Variants in KIAA1217 observed in about 807,000 individuals in gnomAD.
KIAA1217 encodes KIAA1217.
KIAA1217 carries 88 observed loss-of-function variants against 163.9 expected under a neutral mutation model. The observed-to-expected ratio is 0.54, with a 90% CI of 0.45 to 0.64. The LOEUF (loss-of-function observed/expected upper bound fraction) is 0.64, where lower values mean the gene tolerates loss of function less well. Among genes scored for constraint, KIAA1217 ranks in the 30% least tolerant of loss-of-function variants. The pLI, the probability that KIAA1217 is intolerant of heterozygous loss-of-function variation, is 0.00. For missense variants in KIAA1217, 2,372 were observed against 2,475.0 expected, an observed-to-expected ratio of 0.96 and a Z score of 0.88; for synonymous variants, 903 against 923.1, an observed-to-expected ratio of 0.98 and a Z score of 0.39.
In KIAA1217 at chr10:24,544,135, G is replaced by T. The variant is rs776533939; in HGVS notation, c.4865G>T (p.Arg1622Leu). ...CTGAAACAGCACAAAGAAGCCAAGC[G>T]CTTCGAAATCGCTAGGTCTCAACCT... is the stretch of plus-strand genomic sequence containing the variant. ...GTLKQHKEAK[R>L]FEIARSQPED... Residue 1622 changes from arginine to leucine, a missense_variant, in exon 19 of 21, where the codon CGC (arginine) becomes CTC (leucine). Around this residue, in one of 3 missense-constraint regions of KIAA1217, gnomAD observed 690 missense variants for 677.5 expected, o/e 1.02. Transcript: ENST00000376454. 12 of 1,613,996 alleles carry T rather than the reference G, an allele frequency of 7.4e-6. No homozygotes were observed. The highest frequency in any genetic ancestry group is 1.6e-4 in the Middle Eastern group (1 of 6,084).
chr10:24,081,364 G>A (rs1007326061), intron 2 of KIAA1217, among the ~76,000 whole-genome samples: 1 of 152,168 alleles, frequency 6.6e-6, no homozygotes, highest in African/African-American at 2.4e-5. Context: ...GGCTACCAAG[G>A]CAGAGTTTCT....
rs372183043 is a variant in KIAA1217 at position 24,004,083 on chromosome 10, G to T, written c.-320-3142G>T. 1.2e-4 allele frequency among the ~76,000 whole-genome samples: 18 copies of T among 152,162 alleles called. No homozygotes were observed. The East Asian group carries it at 2.7e-3, about 23-fold the overall frequency. On this transcript the variant is annotated intron_variant, in intron 1 of 18. Transcript: ENST00000376462. ...CAAACTCGGCTTCCCGGTTCCAAGCGATTCTCCTGCCTCAGCCTCCTGAGT... is the reference window on the plus strand; with the variant it reads ...CAAACTCGGCTTCCCGGTTCCAAGCTATTCTCCTGCCTCAGCCTCCTGAGT...
intron 1 of KIAA1217, among the ~76,000 whole-genome samples, chr10:23,901,090 T>TC (rs1310239400): frequency 2.0e-5 from 3 of 152,246 alleles, no homozygotes; most frequent in Non-Finnish European, 1.5e-5. Flanking sequence ...CACTAACACT[T>TC]CTGAATGCTT....
intron 1 of KIAA1217, among the ~76,000 whole-genome samples, chr10:23,899,883 A>G (rs1841881691): frequency 6.6e-6 from 1 of 151,922 alleles, no homozygotes; most frequent in Non-Finnish European, 1.5e-5. Flanking sequence ...GATTTAGTCC[A>G]GTCTTCTTTG....
At chr10:24,431,149 T>C (rs902993966) in intron 3 of KIAA1217, among the ~76,000 whole-genome samples, 1 of 152,182 alleles carries the variant, frequency 6.6e-6, no homozygotes, top group Non-Finnish European at 1.5e-5. Flanking sequence ...TTGTATCCCT[T>C]ATTGTCACTT....
At chr10:24,406,392 A>AC (rs2057218308) in intron 3 of KIAA1217, among the ~76,000 whole-genome samples, 1 of 133,808 alleles carries the variant, frequency 7.5e-6, no homozygotes, top group Non-Finnish European at 1.5e-5. Context: ...TTCACACACA[A>AC]ACACACACAC....
intron 1 of KIAA1217, among the ~76,000 whole-genome samples, chr10:23,950,367 A>G (rs1289557948): frequency 6.6e-6 from 1 of 151,658 alleles, no homozygotes; most frequent in Non-Finnish European, 1.5e-5. Context: ...CTATGTTTTC[A>G]TGGTGTTAGC....
chr10:23,752,763 GC>G (rs1839807919), intron 1 of KIAA1217, among the ~76,000 whole-genome samples: 2 of 151,984 alleles, frequency 1.3e-5, no homozygotes, highest in South Asian at 4.1e-4. Flanking sequence ...TAAATCCTAG[GC>G]ATTATGTTTT....
chr10:24,497,928 T>C (rs1187753195), intron 8 of KIAA1217, among the ~76,000 whole-genome samples: 2 of 152,128 alleles, frequency 1.3e-5, no homozygotes, highest in African/African-American at 4.8e-5. Flanking sequence ...ACTTCTCCAC[T>C]ATACAATTCA....
At chr10:23,810,948 T>A (rs570285502) in intron 1 of KIAA1217, among the ~76,000 whole-genome samples, 252 of 118,336 alleles carry the variant, frequency 2.1e-3, no homozygotes, top group African/African-American at 7.5e-3. Flanking sequence ...ATAGTATATA[T>A]TATATAATAT....
intron 5 of KIAA1217, among the ~76,000 whole-genome samples, chr10:24,467,940 T>A (rs888668439): frequency 6.6e-6 from 1 of 152,164 alleles, no homozygotes; most frequent in Non-Finnish European, 1.5e-5. Flanking sequence ...TAATGCCATG[T>A]CTTTACTCAT....
intron 2 of KIAA1217, among the ~76,000 whole-genome samples, chr10:24,041,458 C>T (rs182133622): frequency 1.9e-4 from 29 of 152,212 alleles, no homozygotes; most frequent in African/African-American, 6.3e-4. Flanking sequence ...GAATAAACTC[C>T]GAACTCTTTA....
chr10:23,937,679 G>A (rs1388840895), intron 1 of KIAA1217, among the ~76,000 whole-genome samples: 1 of 152,086 alleles, frequency 6.6e-6, no homozygotes, highest in Non-Finnish European at 1.5e-5. Flanking sequence ...AACTTAATTT[G>A]GCATCATCAT....
At chr10:23,962,079 G>A (rs1440773687) in intron 1 of KIAA1217, among the ~76,000 whole-genome samples, 2 of 152,194 alleles carry the variant, frequency 1.3e-5, no homozygotes, top group East Asian at 1.9e-4. Context: ...AATGTTGGGG[G>A]CACTCAATTT....
chr10:23,797,661 G>A (rs1186661216), intron 1 of KIAA1217, among the ~76,000 whole-genome samples: 3 of 152,082 alleles, frequency 2.0e-5, no homozygotes, highest in Admixed American at 2.0e-4. Context: ...AGCAAAAGGG[G>A]AAGTGCCACA....
At chr10:23,967,294 G>A (rs561047973) in intron 1 of KIAA1217, among the ~76,000 whole-genome samples, 22 of 152,084 alleles carry the variant, frequency 1.4e-4, no homozygotes, top group African/African-American at 5.1e-4. Flanking sequence ...TAAGAAAATA[G>A]CAAGATAACA....
chr10:24,062,909 A>T (rs540945294), intron 2 of KIAA1217, among the ~76,000 whole-genome samples: 9 of 133,724 alleles, frequency 6.7e-5, no homozygotes, highest in Non-Finnish European at 8.9e-5. Context: ...GCATTTTTTC[A>T]TGTGTTTTTT....
intron 3 of KIAA1217, among the ~76,000 whole-genome samples, chr10:24,392,066 C>G (rs993738615): frequency 1.3e-5 from 2 of 152,016 alleles, no homozygotes; most frequent in South Asian, 4.1e-4. Flanking sequence ...TATCAAAGAA[C>G]CATTAAAATA....
chr10:24,486,442 G>T (rs2065408352), intron 6 of KIAA1217, among the ~76,000 whole-genome samples: 1 of 152,114 alleles, frequency 6.6e-6, no homozygotes. Context: ...GAAGTATCCT[G>T]GTGTGGAGAA....
Sources: allele counts gnomAD v4.1 joint callset (sites outside exome capture counted in the v4.1 genomes callset), GRCh38; gene constraint gnomAD v4.1.1; regional missense constraint gnomAD v4.1.1; transcripts MANE v1.5; gene names NCBI Gene and HGNC (gene_info 2026-07-23, HGNC 2026-07-21).